The following EPHB1 variants were observed in gnomAD, a reference collection of about 807,000 sequenced individuals.
EPHB1 encodes ephrin type-B receptor 1.
Under a neutral mutation model 94.4 loss-of-function variants are expected in EPHB1, and 30 were observed. The ratio of observed to expected loss-of-function variants is 0.32; its 90% CI spans 0.24 to 0.43. The LOEUF is 0.43. Ranked by LOEUF, EPHB1 falls within the 20% of genes least tolerant of loss-of-function variation. The pLI is 1.00. For missense variants in EPHB1, 1,055 were observed against 1,308.3 expected, an observed-to-expected ratio of 0.81 and a Z score of 2.99; for synonymous variants, 522 against 489.1, an observed-to-expected ratio of 1.07 and a Z score of -0.89.
At chr3:134,821,010 A>G (rs2036369173) in intron 1 of EPHB1, among the ~76,000 whole-genome samples, 1 of 152,216 alleles carries the variant, frequency 6.6e-6, no homozygotes, top group Admixed American at 6.5e-5. Flanking sequence ...GGGTAGTTCC[A>G]GTCCACATCA....
intron 4 of EPHB1, among the ~76,000 whole-genome samples, chr3:135,116,801 A>G (rs998830404): frequency 5.9e-5 from 9 of 152,150 alleles, no homozygotes; most frequent in African/African-American, 1.4e-4. Flanking sequence ...ATTTCCTGAC[A>G]TGTCTTGGAG....
chr3:135,242,999 T>C (rs2107728810), intron 13 of EPHB1, among the ~76,000 whole-genome samples: 1 of 150,598 alleles, frequency 6.6e-6, no homozygotes, highest in East Asian at 2.0e-4. Flanking sequence ...TTGCTTGAGC[T>C]TGGAGGCAGA....
chr3:135,087,746 G>T (rs963254235), intron 3 of EPHB1, among the ~76,000 whole-genome samples: 2 of 152,140 alleles, frequency 1.3e-5, no homozygotes, highest in Admixed American at 1.3e-4. Context: ...CTAGGGAGCC[G>T]ACACCCACTA....
chr3:135,030,956 G>A (rs929170606), intron 3 of EPHB1, among the ~76,000 whole-genome samples: 9 of 152,308 alleles, frequency 5.9e-5, no homozygotes, highest in African/African-American at 1.7e-4. Context: ...TCGGAAAAGC[G>A]CAGTATTCGG....
intron 1 of EPHB1, among the ~76,000 whole-genome samples, chr3:134,817,173 C>A (rs1049594026): frequency 6.6e-6 from 1 of 152,048 alleles, no homozygotes. Flanking sequence ...GGACTATGGG[C>A]TGCCTGTTTT....
chr3:134,933,087 G>A (rs991462798), intron 2 of EPHB1, among the ~76,000 whole-genome samples: 1 of 152,206 alleles, frequency 6.6e-6, no homozygotes, highest in Admixed American at 6.5e-5. Context: ...GAATGGTCCA[G>A]GGGCTGGTGT....
At chr3:134,983,504 C>A (rs1934488715) in intron 3 of EPHB1, among the ~76,000 whole-genome samples, 1 of 152,218 alleles carries the variant, frequency 6.6e-6, no homozygotes, top group Non-Finnish European at 1.5e-5. Context: ...GCCAGAGGAT[C>A]TCCTCAGGAG....
At chr3:135,097,987 C>T (rs535640794) in intron 3 of EPHB1, among the ~76,000 whole-genome samples, 20 of 152,280 alleles carry the variant, frequency 1.3e-4, no homozygotes, top group East Asian at 1.9e-4. Context: ...AACTTTTACA[C>T]ATCCTTTGAG....
At position 135,192,490 on chromosome 3, in the gene EPHB1, C is replaced by T. The variant is rs918773855; in HGVS notation, c.1883-86C>T. 1.5e-5 allele frequency: 22 copies of T among 1,470,680 alleles called. No individual in the cohort carries two copies. The African/African-American group carries it at 3.1e-4, about 21-fold the overall frequency. 91.1% of individuals were successfully genotyped at this position (1,470,680 alleles called of 1,614,324 possible). On this transcript the variant is annotated intron_variant, in intron 10 of 15. Transcript: ENST00000398015. ...ACTTTAATCACAATTCCACTTGGGG[C>T]ACCATTGTTCTCCATTAGATGACTT...
intron 4 of EPHB1, among the ~76,000 whole-genome samples, chr3:135,117,843 T>C (rs1464765245): frequency 6.6e-6 from 1 of 152,148 alleles, no homozygotes. Flanking sequence ...TGAAGGGTGC[T>C]CAGTTGTGCA....
intron 1 of EPHB1, among the ~76,000 whole-genome samples, chr3:134,804,912 T>C (rs1418662450): frequency 6.6e-6 from 1 of 152,218 alleles, no homozygotes; most frequent in Non-Finnish European, 1.5e-5. Flanking sequence ...TGGAAAGGGC[T>C]GAGCAGGAGG....
intron 1 of EPHB1, among the ~76,000 whole-genome samples, chr3:134,859,217 G>T (rs2037190403): frequency 6.6e-6 from 1 of 152,146 alleles, no homozygotes; most frequent in African/African-American, 2.4e-5. Context: ...TATTTTCTCT[G>T]CTCCTTGTCT....
chr3:134,889,130 G>T (rs965168797), intron 1 of EPHB1, among the ~76,000 whole-genome samples: 1 of 152,196 alleles, frequency 6.6e-6, no homozygotes, highest in Non-Finnish European at 1.5e-5. Context: ...ATGTTTAAAA[G>T]GTCCTTCTAA....
At chr3:135,080,083 C>G (rs987386754) in intron 3 of EPHB1, among the ~76,000 whole-genome samples, 1 of 152,184 alleles carries the variant, frequency 6.6e-6, no homozygotes, top group African/African-American at 2.4e-5. Flanking sequence ...TTCCACACTT[C>G]TTGGGATTGT....
chr3:134,867,509 G>A (rs1458354907), intron 1 of EPHB1, among the ~76,000 whole-genome samples: 2 of 152,186 alleles, frequency 1.3e-5, no homozygotes, highest in Non-Finnish European at 2.9e-5. Flanking sequence ...CAAGGGCCTA[G>A]GTGAGAGGAA....
intron 3 of EPHB1, among the ~76,000 whole-genome samples, chr3:135,077,229 AG>A (rs1937966675): frequency 6.6e-6 from 1 of 152,200 alleles, no homozygotes; most frequent in Admixed American, 6.5e-5. Flanking sequence ...CTCAGCCTCC[AG>A]GGAAGGCTGC....
At chr3:135,136,813 C>T (rs1020438672) in intron 5 of EPHB1, among the ~76,000 whole-genome samples, 13 of 152,182 alleles carry the variant, frequency 8.5e-5, no homozygotes, top group African/African-American at 3.1e-4. Flanking sequence ...ATGAATTATG[C>T]AAGCTCAGAT....
At chr3:134,925,378 G>A (rs1314552971) in intron 1 of EPHB1, among the ~76,000 whole-genome samples, 3 of 152,234 alleles carry the variant, frequency 2.0e-5, no homozygotes, top group African/African-American at 7.2e-5. Context: ...CTGCATAATG[G>A]GGAGGAAGAA....
At chr3:134,865,836 T>A (rs1418633621) in intron 1 of EPHB1, among the ~76,000 whole-genome samples, 1 of 152,214 alleles carries the variant, frequency 6.6e-6, no homozygotes, top group African/African-American at 2.4e-5. Context: ...GTTCAACCAT[T>A]TGAAATTGCC....
Sources: allele counts gnomAD v4.1 joint callset (sites outside exome capture counted in the v4.1 genomes callset), GRCh38; gene constraint gnomAD v4.1.1; transcripts MANE v1.5; gene names NCBI Gene and HGNC (gene_info 2026-07-23, HGNC 2026-07-21).